The following RANBP2 variants were observed in gnomAD, a reference collection of about 807,000 sequenced individuals.
The protein encoded by RANBP2 is E3 SUMO-protein ligase RanBP2.
Under a neutral mutation model 303.6 loss-of-function variants are expected in RANBP2, and 57 were observed. That is an observed-to-expected ratio of 0.19 (90% CI 0.15 to 0.23). The LOEUF is 0.23. Among genes scored for constraint, RANBP2 ranks in the 10% least tolerant of loss-of-function variants. The probability of loss-of-function intolerance (pLI) is 1.00; values close to 1 mark genes in which losing one functional copy is unlikely to be tolerated. For missense variants in RANBP2, 3,138 were observed against 3,780.8 expected (o/e 0.83, Z 4.46); for synonymous variants, 1,167 against 1,301.5 (o/e 0.90, Z 2.23).
At chr2:109,618,156 C>T in the RANBP2 span, 1 of 166,860 alleles carries the variant, frequency 6.0e-6, no homozygotes, top group Non-Finnish European at 1.5e-5. Context: ...AAAAACCAAT[C>T]TAATTTTGTA....
chr2:109,153,277 G>T, the RANBP2 span, among the ~76,000 whole-genome samples: 4 of 152,178 alleles, frequency 2.6e-5, no homozygotes, highest in African/African-American at 9.7e-5. Flanking sequence ...GAATGTAGGT[G>T]TTTAAGCTGT....
chr2:108,890,304 G>C, the RANBP2 span, among the ~76,000 whole-genome samples: 525 of 150,254 alleles, frequency 3.5e-3, 2 homozygotes, highest in Non-Finnish European at 6.2e-3. Flanking sequence ...CAGTGCAGTG[G>C]CATGATATGG....
chr2:109,330,266 C>G, the RANBP2 span, among the ~76,000 whole-genome samples: 2 of 152,118 alleles, frequency 1.3e-5, no homozygotes, highest in Non-Finnish European at 2.9e-5. Context: ...GCCTTTTCCT[C>G]AATTTTGGTG....
chr2:109,395,274 C>T, the RANBP2 span, among the ~76,000 whole-genome samples: 2 of 152,110 alleles, frequency 1.3e-5, no homozygotes, highest in African/African-American at 4.8e-5. Flanking sequence ...CTGTTGAGGC[C>T]CTTCGGGTTA....
chr2:109,099,297 C>G, the RANBP2 span, among the ~76,000 whole-genome samples: 1 of 152,158 alleles, frequency 6.6e-6, no homozygotes, highest in Admixed American at 6.5e-5. Context: ...AAATTAGGCT[C>G]TATATGTCAA....
At chr2:109,617,717 T>G in the RANBP2 span, 22 of 167,064 alleles carry the variant, frequency 1.3e-4, no homozygotes, top group African/African-American at 5.1e-4. Context: ...GTCATTGAAT[T>G]TGTTTAAAGA....
the RANBP2 span, among the ~76,000 whole-genome samples, chr2:109,703,676 G>A: frequency 2.6e-5 from 4 of 152,148 alleles, no homozygotes; most frequent in Admixed American, 6.5e-5. Flanking sequence ...TGATCCGCCC[G>A]CCTCGGCCTC....
intron 6 of RANBP2, among the ~76,000 whole-genome samples, chr2:108,736,586 G>T (rs3954202): frequency 2.6e-5 from 4 of 152,114 alleles, no homozygotes; most frequent in Admixed American, 1.3e-4. Flanking sequence ...GTATAATCTT[G>T]AGTGAAAATT....
the RANBP2 span, among the ~76,000 whole-genome samples, chr2:108,945,385 G>A: frequency 6.6e-6 from 1 of 152,082 alleles, no homozygotes; most frequent in African/African-American, 2.4e-5. Flanking sequence ...GCAACGCCAA[G>A]GCATTTGGAA....
the RANBP2 span, among the ~76,000 whole-genome samples, chr2:109,480,441 G>C: frequency 6.6e-6 from 1 of 151,972 alleles, no homozygotes; most frequent in Non-Finnish European, 1.5e-5. Flanking sequence ...CTGAGAAAAA[G>C]AGAGTAATAA....
the RANBP2 span, among the ~76,000 whole-genome samples, chr2:109,223,477 C>T: frequency 6.6e-6 from 1 of 152,198 alleles, no homozygotes; most frequent in Non-Finnish European, 1.5e-5. Flanking sequence ...GTGGGCATGG[C>T]CTGCCCATGT....
chr2:109,615,878 C>T, the RANBP2 span: 1 of 1,613,246 alleles, frequency 6.2e-7, no homozygotes, highest in East Asian at 2.2e-5. Flanking sequence ...CCTCGGGCAG[C>T]TCTAGTGGAC....
chr2:108,990,560 C>G, the RANBP2 span, among the ~76,000 whole-genome samples: 1 of 151,994 alleles, frequency 6.6e-6, no homozygotes, highest in African/African-American at 2.4e-5. Flanking sequence ...TGTGCCACTG[C>G]ACTCCAGCCT....
the RANBP2 span, among the ~76,000 whole-genome samples, chr2:109,270,005 T>C: frequency 2.6e-5 from 4 of 152,198 alleles, no homozygotes; most frequent in Admixed American, 6.5e-5. Flanking sequence ...GAGAATGTGA[T>C]GAAATACTTA....
the RANBP2 span, among the ~76,000 whole-genome samples, chr2:109,185,739 A>G: frequency 6.6e-6 from 1 of 152,188 alleles, no homozygotes; most frequent in Non-Finnish European, 1.5e-5. Context: ...TAGACAGACA[A>G]AACTCATCCA....
the RANBP2 span, among the ~76,000 whole-genome samples, chr2:109,001,644 C>T: frequency 6.6e-6 from 1 of 152,222 alleles, no homozygotes; most frequent in African/African-American, 2.4e-5. Flanking sequence ...AGGAGACACA[C>T]AGAATTGGCC....
At chr2:109,010,659 C>G in the RANBP2 span, among the ~76,000 whole-genome samples, 1 of 152,188 alleles carries the variant, frequency 6.6e-6, no homozygotes, top group African/African-American at 2.4e-5. Context: ...CTCCCAAAGA[C>G]CCCACCTCCT....
chr2:108,802,943 C>A, the RANBP2 span, among the ~76,000 whole-genome samples: 3 of 152,032 alleles, frequency 2.0e-5, no homozygotes, highest in African/African-American at 7.2e-5. Flanking sequence ...TATTGATTTG[C>A]GTATATTGAA....
At chr2:109,191,109 T>C in the RANBP2 span, among the ~76,000 whole-genome samples, 1 of 152,066 alleles carries the variant, frequency 6.6e-6, no homozygotes, top group African/African-American at 2.4e-5. Flanking sequence ...ATCAAGTGAT[T>C]GGAGAGAGAT....
Sources: allele counts gnomAD v4.1 joint callset (sites outside exome capture counted in the v4.1 genomes callset), GRCh38; gene constraint gnomAD v4.1.1; transcripts MANE v1.5; gene names NCBI Gene and HGNC (gene_info 2026-07-23, HGNC 2026-07-21).